RGS7: variants seen among roughly 807,000 people sequenced by gnomAD.
RGS7 encodes regulator of G protein signaling 7.
A neutral mutation model predicts 81.1 loss-of-function variants in RGS7; 27 were observed. The ratio of observed to expected loss-of-function variants is 0.33; its 90% CI spans 0.25 to 0.46. The LOEUF is 0.46. RGS7 is among the 20% of genes least tolerant of loss of function. The pLI, the probability that RGS7 is intolerant of heterozygous loss-of-function variation, is 1.00. For missense variants in RGS7, 396 were observed against 607.4 expected, an observed-to-expected ratio of 0.65 and a Z score of 3.66; for synonymous variants, 208 against 207.7, an observed-to-expected ratio of 1.00 and a Z score of -0.01.
At chr1:241,083,756 G>T (rs2063284187) in intron 3 of RGS7, among the ~76,000 whole-genome samples, 1 of 151,382 alleles carries the variant, frequency 6.6e-6, no homozygotes, top group African/African-American at 2.4e-5. Flanking sequence ...ATTTTCTCTG[G>T]GATGTTATAA....
At chr1:241,314,953 A>G (rs2148575791) in intron 2 of RGS7, among the ~76,000 whole-genome samples, 1 of 152,248 alleles carries the variant, frequency 6.6e-6, no homozygotes, top group Middle Eastern at 3.4e-3. Context: ...GAAATGGTTT[A>G]AAGTGAGTAG....
chr1:241,280,361 G>T (rs2078433628), intron 2 of RGS7, among the ~76,000 whole-genome samples: 1 of 152,018 alleles, frequency 6.6e-6, no homozygotes, highest in Admixed American at 6.5e-5. Context: ...TCAATCTCAG[G>T]TTTCTAGTCT....
intron 2 of RGS7, among the ~76,000 whole-genome samples, chr1:241,279,211 GA>G (rs1036472335): frequency 6.6e-6 from 1 of 151,824 alleles, no homozygotes; most frequent in Non-Finnish European, 1.5e-5. Context: ...AAAGAATTAG[GA>G]AAAAAGATTT....
intron 9 of RGS7, among the ~76,000 whole-genome samples, chr1:240,845,383 T>C (rs1254031111): frequency 6.6e-6 from 1 of 152,136 alleles, no homozygotes; most frequent in East Asian, 1.9e-4. Flanking sequence ...AAAAACTCAA[T>C]TAATCATTTC....
Position 241,088,556 on chromosome 1 carries a change from CT to C in RGS7, c.175+10109del, listed in dbSNP as rs539196575. 8.3e-4 allele frequency among the ~76,000 whole-genome samples: 126 copies of C among 152,164 alleles called. 1 individual carries two copies. The Middle Eastern group carries it at 0.01, about 12-fold the overall frequency. On this transcript the variant is annotated intron_variant, in intron 3 of 18. Transcript: ENST00000440928. ...CCATGAACACCCCAACAATTACCCC[CT>C]GATTGACGTAATTTTCCTAAAAATC...
chr1:241,291,570 C>CTTTTTTTT lies in RGS7; in HGVS notation c.78+64121_78+64128dup, dbSNP rs397947911. ...CCTTTCTGGCTCAGAGAATTCCCAG[C>CTTTTTTTT]TTTTTTTTTTTTTTTTTGCTTTTTT... is the stretch of plus-strand genomic sequence containing the variant. On this transcript the variant is annotated intron_variant, in intron 2 of 18. Coordinates refer to ENST00000440928, the MANE Select transcript of RGS7 (RefSeq NM_001364886.1). 1.4e-3 allele frequency among the ~76,000 whole-genome samples: 134 copies of CTTTTTTTT among 94,116 alleles called. 4 individuals are homozygous for CTTTTTTTT. Among genetic ancestry groups the CTTTTTTTT allele is most frequent in the African/African-American group, 2.5e-3 (62 of 24,334 alleles). The allele number at this position is 94,116 out of a possible 152,430, so 61.7% of individuals were successfully genotyped here.
chr1:241,250,744 G>A (rs1573354793), intron 2 of RGS7, among the ~76,000 whole-genome samples: 1 of 152,198 alleles, frequency 6.6e-6, no homozygotes, highest in Non-Finnish European at 1.5e-5. Context: ...CATTTGTCAA[G>A]TAACAAATAT....
intron 2 of RGS7, among the ~76,000 whole-genome samples, chr1:241,215,992 C>T (rs555472571): frequency 6.6e-6 from 1 of 152,202 alleles, no homozygotes; most frequent in African/African-American, 2.4e-5. Flanking sequence ...AGAATAAAGG[C>T]CGGGCGCGGT....
At chr1:241,158,144 C>T (rs1056131887) in intron 2 of RGS7, among the ~76,000 whole-genome samples, 1 of 152,132 alleles carries the variant, frequency 6.6e-6, no homozygotes, top group Non-Finnish European at 1.5e-5. Context: ...TATTAGGACA[C>T]AGCCATGCTA....
In RGS7 at chr1:241,239,002, T is replaced by C. The variant is rs1002523542; in HGVS notation, c.78+116697A>G. ...TTTTTTTTTTGAGATACAGTCTCGC[T>C]CTGTTGCCCAGGCTGGAGTGCCCTG... is the stretch of plus-strand genomic sequence containing the variant. On this transcript the variant is annotated intron_variant, in intron 2 of 18. Coordinates refer to ENST00000440928, the MANE Select transcript of RGS7 (RefSeq NM_001364886.1). 4.4e-5 allele frequency among the ~76,000 whole-genome samples: 6 copies of C among 137,540 alleles called. No individual in the cohort carries two copies. The East Asian group carries it at 1.3e-3, about 30-fold the overall frequency. The allele number at this position is 137,540 out of a possible 152,430, so 90.2% of individuals were successfully genotyped here.
chr1:241,240,590 C>A (rs1304883719), intron 2 of RGS7, among the ~76,000 whole-genome samples: 1 of 152,098 alleles, frequency 6.6e-6, no homozygotes, highest in African/African-American at 2.4e-5. Context: ...TGAGGCTGCC[C>A]AATGCATGTG....
rs186353195 is a variant in RGS7, at chr1:241,144,897, T to C, written c.79-46135A>G. Among the ~76,000 whole-genome samples the C allele has an allele frequency of 4.9e-4, 73 of 147,930 alleles. No homozygotes were observed. Among genetic ancestry groups the C allele is most frequent in the African/African-American group, 1.8e-3 (69 of 37,804 alleles). On this transcript the variant is annotated intron_variant, in intron 2 of 18. Coordinates refer to ENST00000440928, the MANE Select transcript of RGS7 (RefSeq NM_001364886.1). The surrounding 1 kb of genome is among the most constrained non-coding windows in gnomAD (Gnocchi z 4.7). ...TAACGTCCCAAAGGAACAACTGATG[T>C]GAGTCAGTATGTGTTGGCAGGGCAG...
At chr1:241,194,822 T>G (rs1461933317) in intron 2 of RGS7, among the ~76,000 whole-genome samples, 1 of 152,128 alleles carries the variant, frequency 6.6e-6, no homozygotes, top group African/African-American at 2.4e-5. Context: ...TACTAAAGGC[T>G]TGGAGGTTGA....
chr1:241,194,211 C>A (rs1439671363), intron 2 of RGS7, among the ~76,000 whole-genome samples: 2 of 152,102 alleles, frequency 1.3e-5, no homozygotes, highest in African/African-American at 4.8e-5. Flanking sequence ...ATCATTTTCT[C>A]TTAGATTTTT....
chr1:241,015,996 G>T (rs1296613588), intron 3 of RGS7, among the ~76,000 whole-genome samples: 1 of 152,138 alleles, frequency 6.6e-6, no homozygotes, highest in Non-Finnish European at 1.5e-5. Flanking sequence ...CAAGCTATTT[G>T]TTCAGTTTGC....
At chr1:241,188,855 G>A (rs1398434388) in intron 2 of RGS7, among the ~76,000 whole-genome samples, 1 of 152,198 alleles carries the variant, frequency 6.6e-6, no homozygotes, top group Non-Finnish European at 1.5e-5. Flanking sequence ...CAAATTATAT[G>A]AGGAAATACA....
intron 2 of RGS7, among the ~76,000 whole-genome samples, chr1:241,239,394 T>C (rs2076159563): frequency 6.6e-6 from 1 of 152,174 alleles, no homozygotes; most frequent in Non-Finnish European, 1.5e-5. Context: ...CCATCCAGCA[T>C]GCTCTCCACC....
intron 15 of RGS7, among the ~76,000 whole-genome samples, chr1:240,805,170 T>C (rs539245522): frequency 6.6e-6 from 1 of 151,558 alleles, no homozygotes; most frequent in Admixed American, 6.6e-5. Flanking sequence ...AGCCCAGGAG[T>C]TGGAGACCAG....
At chr1:241,117,456 A>G (rs2065952337) in intron 2 of RGS7, among the ~76,000 whole-genome samples, 1 of 152,204 alleles carries the variant, frequency 6.6e-6, no homozygotes, top group African/African-American at 2.4e-5. Context: ...TCTACCATGT[A>G]GAAGTGCTGA....
Sources: allele counts gnomAD v4.1 joint callset (sites outside exome capture counted in the v4.1 genomes callset), GRCh38; gene constraint gnomAD v4.1.1; non-coding constraint Gnocchi (gnomAD v3.1); transcripts MANE v1.5; gene names NCBI Gene and HGNC (gene_info 2026-07-23, HGNC 2026-07-21).